The following NRXN1 variants were observed in gnomAD, a reference collection of about 807,000 sequenced individuals.
NRXN1 encodes neurexin-1.
NRXN1 carries 39 observed loss-of-function variants against 150.9 expected under a neutral mutation model. The ratio of observed to expected loss-of-function variants is 0.26; its 90% CI spans 0.20 to 0.34. The LOEUF is 0.34. Ranked by LOEUF, NRXN1 falls within the 10% of genes least tolerant of loss-of-function variation. NRXN1 has a pLI of 1.00. For synonymous variants in NRXN1, 924 were observed against 757.0 expected, an observed-to-expected ratio of 1.22 and a Z score of -3.62; for missense variants, 1,815 against 1,949.9, an observed-to-expected ratio of 0.93 and a Z score of 1.30.
chr2:50,220,172 C>G (rs192983417), intron 18 of NRXN1, among the ~76,000 whole-genome samples: 1 of 150,156 alleles, frequency 6.7e-6, no homozygotes, highest in African/African-American at 2.5e-5. Flanking sequence ...CTGAGGTTCA[C>G]ATTACCAAAG....
Position 50,049,782 on chromosome 2 carries a change from A to C in NRXN1, c.4128+3489T>G, listed in dbSNP as rs117432303. ...TGCAAGTTTAATTAGAAGAGGGGGA[A>C]CATTTAGCAGCCAAAAAACTTGCAT... is the stretch of plus-strand genomic sequence containing the variant. On this transcript the variant is annotated intron_variant, in intron 21 of 22. Transcript: ENST00000401669. Among the ~76,000 whole-genome samples the C allele has an allele frequency of 8.9e-4, 135 of 152,172 alleles. 2 individuals are homozygous for C. In the East Asian group the frequency reaches 0.024, roughly 27 times the overall value.
chr2:50,531,919 C>T (rs2093126392), intron 10 of NRXN1, among the ~76,000 whole-genome samples: 3 of 152,082 alleles, frequency 2.0e-5, no homozygotes, highest in Admixed American at 2.0e-4. Flanking sequence ...GATCTCAGCT[C>T]ACTGCAGCCA....
intron 5 of NRXN1, among the ~76,000 whole-genome samples, chr2:50,744,966 T>C (rs1699842087): frequency 6.6e-6 from 1 of 152,150 alleles, no homozygotes; most frequent in Non-Finnish European, 1.5e-5. Context: ...ATTCCTCCTT[T>C]GTGCTTCACA....
intron 8 of NRXN1, among the ~76,000 whole-genome samples, chr2:50,618,489 C>A (rs982054727): frequency 6.6e-6 from 1 of 151,986 alleles, no homozygotes; most frequent in African/African-American, 2.4e-5. Context: ...AGAGTTTGTA[C>A]AATCTTTTAG....
intron 2 of NRXN1, among the ~76,000 whole-genome samples, chr2:50,965,149 T>C (rs1451777209): frequency 1.3e-5 from 2 of 151,370 alleles, no homozygotes; most frequent in Non-Finnish European, 3.0e-5. Context: ...CAATTGATTA[T>C]ATATACACAC....
At chr2:49,927,873 T>A (rs1013278010) in intron 22 of NRXN1, among the ~76,000 whole-genome samples, 1 of 152,156 alleles carries the variant, frequency 6.6e-6, no homozygotes, top group Admixed American at 6.5e-5. Flanking sequence ...ATCTTATATA[T>A]ATATTTTGGT....
chr2:50,498,747 G>C (rs947318091), intron 13 of NRXN1, among the ~76,000 whole-genome samples: 7 of 152,160 alleles, frequency 4.6e-5, no homozygotes, highest in Non-Finnish European at 2.9e-5. Context: ...TAAGGTACTT[G>C]TATCAGTACC....
At chr2:50,393,046 T>C (rs1254256967) in intron 17 of NRXN1, among the ~76,000 whole-genome samples, 1 of 151,970 alleles carries the variant, frequency 6.6e-6, no homozygotes, top group Non-Finnish European at 1.5e-5. Flanking sequence ...ATGGATAAAT[T>C]GCAGGCAACA....
intron 18 of NRXN1, among the ~76,000 whole-genome samples, chr2:50,164,039 T>C (rs1002483725): frequency 5.9e-5 from 9 of 152,248 alleles, no homozygotes; most frequent in East Asian, 5.8e-4. Context: ...TATTTCAGTA[T>C]TGAAATTTAC....
At chr2:50,279,741 G>A (rs1212429589) in intron 17 of NRXN1, among the ~76,000 whole-genome samples, 1 of 152,074 alleles carries the variant, frequency 6.6e-6, no homozygotes. Flanking sequence ...CGTATCTCTT[G>A]TTGACAAAAT....
chr2:50,483,942 G>T (rs2090677297), intron 15 of NRXN1, among the ~76,000 whole-genome samples: 1 of 152,106 alleles, frequency 6.6e-6, no homozygotes, highest in Admixed American at 6.5e-5. Context: ...TGAAAGACAG[G>T]TTTTTTTCTT....
rs372143761 is a variant in NRXN1, at chr2:50,606,749, T to C, written c.1320+13273A>G. Among the ~76,000 whole-genome samples, 5 of 151,986 alleles carry C rather than the reference T, an allele frequency of 3.3e-5. No homozygotes were observed. The South Asian group carries it at 8.3e-4, about 25-fold the overall frequency. On this transcript the variant is annotated intron_variant, in intron 8 of 22. Transcript: ENST00000401669. The stretch of plus-strand genomic sequence containing the variant: ...TCTTCCCTCTCAGTAAGATTGAAAA[T>C]TAAAGAATAATAAAGTTTTAGAATT...
intron 15 of NRXN1, among the ~76,000 whole-genome samples, chr2:50,487,013 T>C (rs1256115951): frequency 6.6e-6 from 1 of 152,188 alleles, no homozygotes; most frequent in Non-Finnish European, 1.5e-5. Flanking sequence ...TAATTTCTAT[T>C]TAGTATTACT....
chr2:50,587,907 T>C (rs929136415), intron 8 of NRXN1, among the ~76,000 whole-genome samples: 11 of 152,128 alleles, frequency 7.2e-5, no homozygotes, highest in African/African-American at 2.7e-4. Context: ...TTAAGACAAA[T>C]GCAAACAAAA....
chr2:50,801,994 A>G (rs2105698483), intron 5 of NRXN1, among the ~76,000 whole-genome samples: 1 of 152,288 alleles, frequency 6.6e-6, no homozygotes, highest in African/African-American at 2.4e-5. Context: ...TACCATAAGA[A>G]TGCTAAAAAT....
At chr2:50,788,605 C>T (rs536182268) in intron 5 of NRXN1, among the ~76,000 whole-genome samples, 6 of 149,358 alleles carry the variant, frequency 4.0e-5, no homozygotes, top group African/African-American at 1.5e-4. Context: ...GAGAGAGAGA[C>T]AGAGAGAGAG....
intron 17 of NRXN1, among the ~76,000 whole-genome samples, chr2:50,401,568 C>A (rs1043415371): frequency 6.6e-6 from 1 of 151,916 alleles, no homozygotes; most frequent in Non-Finnish European, 1.5e-5. Flanking sequence ...TAAGGGAAGA[C>A]AGGACACTTT....
rs576965315 is a variant in NRXN1, at chr2:50,245,229, A to G, written c.3365-8259T>C. ...AATTCAAAGTCCTGGGAACTGCTTA[A>G]AAGGCTCTTGGTCCAGGTTACCTGG... On this transcript the variant is annotated intron_variant, in intron 17 of 22. Transcript: ENST00000401669. Among the ~76,000 whole-genome samples the G allele has an allele frequency of 9.2e-5, 14 of 152,106 alleles. No individual in the cohort carries two copies. The East Asian group carries it at 2.5e-3, about 27-fold the overall frequency.
intron 5 of NRXN1, among the ~76,000 whole-genome samples, chr2:50,686,228 T>C (rs1381639761): frequency 6.6e-6 from 1 of 152,140 alleles, no homozygotes; most frequent in African/African-American, 2.4e-5. Flanking sequence ...TGGCAGAGTG[T>C]TTTATTTGGC....
Sources: allele counts gnomAD v4.1 joint callset (sites outside exome capture counted in the v4.1 genomes callset), GRCh38; gene constraint gnomAD v4.1.1; transcripts MANE v1.5; gene names NCBI Gene and HGNC (gene_info 2026-07-23, HGNC 2026-07-21).